TMTC2: variants seen among roughly 807,000 people sequenced by gnomAD.
TMTC2 encodes protein O-mannosyl-transferase TMTC2.
In TMTC2, 43 loss-of-function variants were observed where a neutral mutation model predicts 82.4. That is an observed-to-expected ratio of 0.52 (90% CI 0.41 to 0.67). TMTC2 has a LOEUF of 0.67. Among genes scored for constraint, TMTC2 ranks in the 30% least tolerant of loss-of-function variants. TMTC2 has a pLI of 0.00. For missense variants in TMTC2, 919 were observed against 1,012.4 expected, an observed-to-expected ratio of 0.91 and a Z score of 1.25; for synonymous variants, 408 against 381.9, an observed-to-expected ratio of 1.07 and a Z score of -0.80.
chr12:83,025,164 C>T (rs1232258949), intron 8 of TMTC2, among the ~76,000 whole-genome samples: 1 of 151,520 alleles, frequency 6.6e-6, no homozygotes, highest in Non-Finnish European at 1.5e-5. Flanking sequence ...TGCACTCCAG[C>T]CTGGGTGACA....
At chr12:83,036,991 A>T (rs1252537422) in intron 9 of TMTC2, among the ~76,000 whole-genome samples, 2 of 152,076 alleles carry the variant, frequency 1.3e-5, no homozygotes, top group Admixed American at 1.3e-4. Flanking sequence ...ACTCACTACC[A>T]CTATAAGGGC....
intron 11 of TMTC2, among the ~76,000 whole-genome samples, chr12:83,092,087 CATT>C (rs929048605): frequency 6.6e-6 from 1 of 152,204 alleles, no homozygotes; most frequent in African/African-American, 2.4e-5. Flanking sequence ...AAACTATTAA[CATT>C]CTTCTGAAAC....
At chr12:82,884,992 C>T (rs1005426475) in intron 2 of TMTC2, among the ~76,000 whole-genome samples, 5 of 152,104 alleles carry the variant, frequency 3.3e-5, no homozygotes, top group Non-Finnish European at 7.4e-5. Context: ...CTCCCAGACT[C>T]ACGCAATCCT....
chr12:82,811,110 C>T (rs1043057932), intron 1 of TMTC2, among the ~76,000 whole-genome samples: 2 of 151,920 alleles, frequency 1.3e-5, no homozygotes, highest in African/African-American at 4.8e-5. Context: ...CCTGTAATCC[C>T]AGCTACTTGG....
In TMTC2 at chr12:82,883,363, C is replaced by A. The variant is rs186403332; in HGVS notation, c.655-12455C>A. Among the ~76,000 whole-genome samples the A allele has an allele frequency of 2.0e-5, 3 of 152,086 alleles. No individual in the cohort carries two copies. In the East Asian group the frequency reaches 5.8e-4, roughly 29 times the overall value. On this transcript the variant is annotated intron_variant, in intron 2 of 11. Coordinates refer to ENST00000321196, the MANE Select transcript of TMTC2 (RefSeq NM_152588.3). The stretch of plus-strand genomic sequence containing the variant: ...TGCTTATTAATGAACATCTATAAGG[C>A]ATGTATGTTTATTAAGTTCTATTTG...
chr12:83,000,370 A>G (rs1325491643), intron 8 of TMTC2, among the ~76,000 whole-genome samples: 1 of 152,146 alleles, frequency 6.6e-6, no homozygotes, highest in Non-Finnish European at 1.5e-5. Context: ...TCCTGAGCCC[A>G]TGATCCGCCC....
chr12:82,761,236 A>G (rs1010817075), intron 1 of TMTC2, among the ~76,000 whole-genome samples: 1 of 152,164 alleles, frequency 6.6e-6, no homozygotes, highest in African/African-American at 2.4e-5. Flanking sequence ...TGAAACAACA[A>G]AGTACCTTTT....
intron 1 of TMTC2, among the ~76,000 whole-genome samples, chr12:82,846,648 A>G (rs143823946): frequency 2.0e-5 from 3 of 152,254 alleles, no homozygotes; most frequent in African/African-American, 7.2e-5. Context: ...TCCACTAAGA[A>G]TATTCCTGTA....
chr12:82,985,901 C>A, intron 7 of TMTC2, 24 bp from the exon 8 acceptor site: 2 of 1,608,756 alleles, frequency 1.2e-6, no homozygotes, highest in African/African-American at 1.3e-5. Context: ...TCCCTTTGAC[C>A]TTCATGATTA....
At chr12:82,926,879 C>T (rs539908612) in intron 3 of TMTC2, among the ~76,000 whole-genome samples, 3 of 152,268 alleles carry the variant, frequency 2.0e-5, no homozygotes, top group African/African-American at 7.2e-5. Flanking sequence ...ATATATTAAG[C>T]TTAATGTTGA....
At chr12:82,700,786 C>T (rs1190823825) in intron 1 of TMTC2, among the ~76,000 whole-genome samples, 1 of 152,102 alleles carries the variant, frequency 6.6e-6, no homozygotes, top group Non-Finnish European at 1.5e-5. Context: ...AGTCCATTTT[C>T]ATGGTGCTAT....
intron 11 of TMTC2, among the ~76,000 whole-genome samples, chr12:83,078,472 AGACT>A (rs1883361796): frequency 6.6e-6 from 1 of 152,204 alleles, no homozygotes; most frequent in Non-Finnish European, 1.5e-5. Context: ...AGAACCGAGA[AGACT>A]GACATCATCA....
At chr12:83,073,372 A>G (rs995663149) in intron 11 of TMTC2, among the ~76,000 whole-genome samples, 6 of 152,188 alleles carry the variant, frequency 3.9e-5, no homozygotes, top group Non-Finnish European at 8.8e-5. Flanking sequence ...GCTTTCCTTC[A>G]TAGGTTACCT....
At position 83,133,973 on chromosome 12, in the gene TMTC2, T is replaced by C. The variant is rs1208934211; in HGVS notation, c.*1584T>C. 2 of 152,522 alleles carry C rather than the reference T, an allele frequency of 1.3e-5. No individual in the cohort carries two copies. The highest frequency in any genetic ancestry group is 3.8e-4 in the East Asian group (2 of 5,196). The allele number at this position is 152,522 out of a possible 1,614,324, so 9.4% of individuals were successfully genotyped here. A position where few individuals can be genotyped will look rare whatever the true frequency, so the allele number is the denominator to read the frequency against. ...AAAAGAAGCTGGACATGCAAATACA[T>C]CATATTATGTTTTCTCCATATTTTA... On this transcript the variant is annotated 3_prime_UTR_variant, in exon 12 of 12. Transcript: ENST00000321196.
chr12:83,080,524 A>G (rs1883428807), intron 11 of TMTC2, among the ~76,000 whole-genome samples: 1 of 152,164 alleles, frequency 6.6e-6, no homozygotes. Flanking sequence ...TGCACCGATT[A>G]AACATTAAAA....
chr12:82,799,684 C>T (rs1878901590), intron 1 of TMTC2, among the ~76,000 whole-genome samples: 2 of 152,116 alleles, frequency 1.3e-5, no homozygotes, highest in East Asian at 1.9e-4. Context: ...CCAATCTCAG[C>T]CTTCATCTTC....
intron 11 of TMTC2, among the ~76,000 whole-genome samples, chr12:83,073,337 C>T (rs1280745488): frequency 6.6e-6 from 1 of 152,180 alleles, no homozygotes; most frequent in Admixed American, 6.5e-5. Context: ...GGTTTCTGCT[C>T]AGAAATCTGC....
At chr12:82,779,399 G>A (rs1353841090) in intron 1 of TMTC2, among the ~76,000 whole-genome samples, 1 of 151,992 alleles carries the variant, frequency 6.6e-6, no homozygotes, top group Non-Finnish European at 1.5e-5. Flanking sequence ...AGCCTTTCAG[G>A]TATAACTCAC....
intron 1 of TMTC2, among the ~76,000 whole-genome samples, chr12:82,711,857 A>G (rs568341432): frequency 6.6e-6 from 1 of 152,344 alleles, no homozygotes; most frequent in African/African-American, 2.4e-5. Flanking sequence ...ATCATTACAC[A>G]TAGGAGTAAA....
Sources: allele counts gnomAD v4.1 joint callset (sites outside exome capture counted in the v4.1 genomes callset), GRCh38; gene constraint gnomAD v4.1.1; transcripts MANE v1.5; gene names NCBI Gene and HGNC (gene_info 2026-07-23, HGNC 2026-07-21).